SDK1: variants seen among roughly 807,000 people sequenced by gnomAD.
The protein encoded by SDK1 is protein sidekick-1.
In SDK1, 157 loss-of-function variants were observed where a neutral mutation model predicts 245.5. The ratio of observed to expected loss-of-function variants is 0.64; its 90% CI spans 0.56 to 0.73. SDK1 has a LOEUF of 0.73. Among genes scored for constraint, SDK1 ranks in the 30% least tolerant of loss-of-function variants. SDK1 has a pLI of 0.00. For missense variants in SDK1, 3,583 were observed against 3,002.3 expected (o/e 1.19, Z -4.52); for synonymous variants, 1,647 against 1,278.5 (o/e 1.29, Z -6.15).
chr7:4,262,005 C>T (rs905307320), intron 44 of SDK1, among the ~76,000 whole-genome samples: 1 of 147,820 alleles, frequency 6.8e-6, no homozygotes, highest in East Asian at 2.0e-4. Context: ...TCAATTTCAC[C>T]CTCTGCTTTC....
intron 1 of SDK1, among the ~76,000 whole-genome samples, chr7:3,409,803 G>A (rs1051971765): frequency 6.6e-6 from 1 of 152,120 alleles, no homozygotes; most frequent in Non-Finnish European, 1.5e-5. Flanking sequence ...TGTGGAGTTT[G>A]ATTTTTGACA....
At chr7:3,731,990 C>G (rs1351824162) in intron 4 of SDK1, among the ~76,000 whole-genome samples, 1 of 152,188 alleles carries the variant, frequency 6.6e-6, no homozygotes, top group Non-Finnish European at 1.5e-5. Flanking sequence ...TGGGGTTTCA[C>G]CGTGTTGGTC....
chr7:4,256,610 T>C (rs1296468219), intron 44 of SDK1, among the ~76,000 whole-genome samples: 1 of 152,230 alleles, frequency 6.6e-6, no homozygotes, highest in African/African-American at 2.4e-5. Flanking sequence ...TGGAGACAGC[T>C]TGTAGATTTG....
At chr7:4,023,465 G>A (rs990659694) in intron 17 of SDK1, among the ~76,000 whole-genome samples, 9 of 152,060 alleles carry the variant, frequency 5.9e-5, no homozygotes, top group Admixed American at 1.3e-4. Flanking sequence ...ACTCAGTTCC[G>A]CATATCAAAT....
intron 1 of SDK1, among the ~76,000 whole-genome samples, chr7:3,530,704 T>A (rs943086075): frequency 7.2e-5 from 11 of 152,206 alleles, no homozygotes; most frequent in African/African-American, 2.4e-4. Context: ...TTAGCTTATG[T>A]ACATAAATAA....
At chr7:3,761,161 G>C (rs1243626798) in intron 4 of SDK1, among the ~76,000 whole-genome samples, 1 of 151,496 alleles carries the variant, frequency 6.6e-6, no homozygotes, top group East Asian at 1.9e-4. Context: ...CCAGGTGAGC[G>C]TGTGGATTGC....
intron 1 of SDK1, among the ~76,000 whole-genome samples, chr7:3,507,766 A>G (rs1229870483): frequency 3.9e-5 from 6 of 152,072 alleles, no homozygotes; most frequent in African/African-American, 4.8e-5. Context: ...ACTCCCTCCA[A>G]TTAGCATTGG....
intron 17 of SDK1, among the ~76,000 whole-genome samples, chr7:4,028,402 T>G (rs886439652): frequency 6.6e-6 from 1 of 152,202 alleles, no homozygotes; most frequent in African/African-American, 2.4e-5. Flanking sequence ...AACCACAGCA[T>G]GTGACATGTG....
intron 5 of SDK1, among the ~76,000 whole-genome samples, chr7:3,836,247 A>G (rs757620225): frequency 6.6e-6 from 1 of 152,222 alleles, no homozygotes; most frequent in Non-Finnish European, 1.5e-5. Flanking sequence ...AGCTATAAAT[A>G]TTAGTTCTGC....
chr7:4,182,627 G>C (rs945479542), intron 35 of SDK1, among the ~76,000 whole-genome samples: 1 of 152,166 alleles, frequency 6.6e-6, no homozygotes, highest in African/African-American at 2.4e-5. Flanking sequence ...AGGGAGAGGA[G>C]GGAGAAGGAA....
intron 5 of SDK1, among the ~76,000 whole-genome samples, chr7:3,825,323 A>C (rs924655500): frequency 6.6e-6 from 1 of 151,068 alleles, no homozygotes; most frequent in Non-Finnish European, 1.5e-5. Context: ...TCCTCTAAAA[A>C]AAAAAAAAAA....
At chr7:3,840,857 A>G (rs1017768959) in intron 5 of SDK1, among the ~76,000 whole-genome samples, 1 of 152,166 alleles carries the variant, frequency 6.6e-6, no homozygotes, top group African/African-American at 2.4e-5. Flanking sequence ...GACCTCTGGG[A>G]GTGGGGTCCA....
At chr7:3,432,796 C>A (rs1368692999) in intron 1 of SDK1, among the ~76,000 whole-genome samples, 2 of 152,168 alleles carry the variant, frequency 1.3e-5, no homozygotes, top group South Asian at 2.1e-4. Context: ...AATATGGCAA[C>A]AAAATTCTTT....
rs1301159462 is a variant in SDK1, at chr7:3,469,950, T to C, written c.299-149130T>C. ...AAGTTATAGATTGCAGAGATTTGCT[T>C]CTGGCATGAAGGAATATTTTTTATT... On this transcript the variant is annotated intron_variant, in intron 1 of 44. Transcript: ENST00000404826. Among the ~76,000 whole-genome samples the C allele has an allele frequency of 1.3e-5, 2 of 152,204 alleles. 1 individual carries two copies. Among genetic ancestry groups the C allele is most frequent in the Non-Finnish European group, 2.9e-5 (2 of 68,032 alleles).
chr7:3,617,373 A>G (rs780977595), intron 1 of SDK1, among the ~76,000 whole-genome samples: 4 of 152,222 alleles, frequency 2.6e-5, no homozygotes, highest in Non-Finnish European at 5.9e-5. Context: ...TTGTAAATGG[A>G]ATAAACATAA....
intron 28 of SDK1, among the ~76,000 whole-genome samples, chr7:4,144,534 C>T (rs1779818771): frequency 6.6e-6 from 1 of 151,782 alleles, no homozygotes; most frequent in South Asian, 2.1e-4. Context: ...AATTGTCCTC[C>T]CACCTCCCAG....
rs142007812 is a variant in SDK1 at position 3,567,281 on chromosome 7, G to A, written c.299-51799G>A. Among the ~76,000 whole-genome samples, 1,141 of 152,242 alleles carry A rather than the reference G, an allele frequency of 7.5e-3. 11 individuals carry two copies. The highest frequency in any genetic ancestry group is 0.019 in the African/African-American group (775 of 41,534). ...TTATCCTCCATTCCTCAGCGGCTTC[G>A]TGGGTTGTTGTGAGAATGAAATGGC... On this transcript the variant is annotated intron_variant, in intron 1 of 44. Transcript: ENST00000404826.
At chr7:3,370,321 G>C (rs1384983644) in intron 1 of SDK1, among the ~76,000 whole-genome samples, 1 of 152,202 alleles carries the variant, frequency 6.6e-6, no homozygotes, top group Non-Finnish European at 1.5e-5. Context: ...AACAAAGAGA[G>C]ACAGTTACAC....
intron 1 of SDK1, among the ~76,000 whole-genome samples, chr7:3,497,634 G>T (rs1782066683): frequency 6.6e-6 from 1 of 152,154 alleles, no homozygotes; most frequent in Non-Finnish European, 1.5e-5. Flanking sequence ...ATCAGACACA[G>T]TATGGCGCCT....
Sources: gnomAD v4.1 joint callset for allele counts (sites outside exome capture counted in the v4.1 genomes callset) on GRCh38, gnomAD v4.1.1 for gene constraint, MANE v1.5 for transcripts, NCBI Gene and HGNC (gene_info 2026-07-23, HGNC 2026-07-21) for gene names.